Variants in ADAM12 observed in about 807,000 individuals in gnomAD.
ADAM12 encodes the protein disintegrin and metalloproteinase domain-containing protein 12.
ADAM12 carries 70 observed loss-of-function variants against 106.4 expected under a neutral mutation model. The observed-to-expected ratio is 0.66, with a 90% CI of 0.54 to 0.80. ADAM12 has a LOEUF of 0.80. Among genes scored for constraint, ADAM12 ranks in the 30% least tolerant of loss-of-function variants. ADAM12 has a pLI of 0.00. For synonymous variants in ADAM12, 420 were observed against 433.5 expected (o/e 0.97, Z 0.39); for missense variants, 1,010 against 1,171.9 (o/e 0.86, Z 2.02).
At chr10:126,295,916 CACACACACACACATAA>C (rs1290564683) in intron 2 of ADAM12, among the ~76,000 whole-genome samples, 47 of 151,348 alleles carry the variant, frequency 3.1e-4, no homozygotes, top group Non-Finnish European at 5.9e-4. Flanking sequence ...CACAAACACA[CACACACACACACATAA>C]ACACACACAC....
chr10:126,056,067 A>G (rs1245922327), intron 14 of ADAM12, among the ~76,000 whole-genome samples: 1 of 152,196 alleles, frequency 6.6e-6, no homozygotes, highest in Non-Finnish European at 1.5e-5. Context: ...TTGGCCAGTA[A>G]AACTGACTCC....
intron 3 of ADAM12, among the ~76,000 whole-genome samples, chr10:126,170,418 T>G (rs1247918927): frequency 1.3e-5 from 2 of 151,076 alleles, no homozygotes; most frequent in African/African-American, 2.4e-5. Flanking sequence ...AATGGATGTG[T>G]TTTTCCTTTA....
chr10:126,302,787 G>A (rs146978982), intron 2 of ADAM12, among the ~76,000 whole-genome samples: 295 of 152,256 alleles, frequency 1.9e-3, no homozygotes, highest in African/African-American at 7.0e-3. Flanking sequence ...TAGGCTACAC[G>A]TACCATTACC....
At chr10:126,330,098 C>G (rs1472668617) in intron 2 of ADAM12, among the ~76,000 whole-genome samples, 5 of 152,058 alleles carry the variant, frequency 3.3e-5, no homozygotes, top group African/African-American at 1.2e-4. Flanking sequence ...ATTAAATAGA[C>G]ATAAATATAG....
intron 2 of ADAM12, among the ~76,000 whole-genome samples, chr10:126,308,683 A>G (rs1960951396): frequency 6.6e-6 from 1 of 152,218 alleles, no homozygotes; most frequent in Admixed American, 6.5e-5. Context: ...CCCTCAAACT[A>G]TATCTTAGAA....
At chr10:126,309,840 A>T (rs1208275884) in intron 2 of ADAM12, among the ~76,000 whole-genome samples, 3 of 152,246 alleles carry the variant, frequency 2.0e-5, no homozygotes, top group African/African-American at 7.2e-5. Flanking sequence ...GCAGGTAAAG[A>T]TTTTGTGTCA....
At chr10:126,027,746 G>A (rs1158269100) in intron 21 of ADAM12, among the ~76,000 whole-genome samples, 1 of 152,122 alleles carries the variant, frequency 6.6e-6, no homozygotes, top group Non-Finnish European at 1.5e-5. Context: ...CAAACCCACA[G>A]CTAATATCCT....
intron 3 of ADAM12, among the ~76,000 whole-genome samples, chr10:126,253,742 T>C (rs1958832909): frequency 6.6e-6 from 1 of 152,158 alleles, no homozygotes; most frequent in South Asian, 2.1e-4. Flanking sequence ...CCACTCTTCC[T>C]CCCAGAGGGC....
At chr10:126,132,536 T>TAA (rs1956326574) in intron 5 of ADAM12, among the ~76,000 whole-genome samples, 2 of 91,088 alleles carry the variant, frequency 2.2e-5, no homozygotes, top group Non-Finnish European at 4.2e-5. Flanking sequence ...CCCCCCCCCC[T>TAA]CAACTAGTCC....
At chr10:126,116,760 T>TA (rs747673114) in intron 6 of ADAM12, among the ~76,000 whole-genome samples, 2 of 152,158 alleles carry the variant, frequency 1.3e-5, no homozygotes, top group Non-Finnish European at 2.9e-5. Context: ...AATGTAAAAT[T>TA]AGAGTTAAAA....
chr10:126,021,062 C>T (rs1953758067), intron 21 of ADAM12, among the ~76,000 whole-genome samples: 1 of 151,592 alleles, frequency 6.6e-6, no homozygotes, highest in South Asian at 2.1e-4. Context: ...CTGTGGATAC[C>T]CATGAGAGAG....
chr10:126,345,936 G>A (rs537008293), intron 1 of ADAM12, among the ~76,000 whole-genome samples: 16 of 152,170 alleles, frequency 1.1e-4, no homozygotes, highest in African/African-American at 3.9e-4. Context: ...CTTGCTAGAG[G>A]TCTATCAATT....
intron 18 of ADAM12, among the ~76,000 whole-genome samples, chr10:126,039,996 A>G (rs1954131707): frequency 6.6e-6 from 1 of 152,210 alleles, no homozygotes; most frequent in South Asian, 2.1e-4. Flanking sequence ...TTGCTTTGTT[A>G]TGTTGGGGAC....
chr10:126,386,528 C>T (rs895394554), intron 1 of ADAM12, among the ~76,000 whole-genome samples: 3 of 152,134 alleles, frequency 2.0e-5, no homozygotes, highest in African/African-American at 7.2e-5. Context: ...TTAGGCCTCC[C>T]TGGTTTTCTA....
In ADAM12 at chr10:126,240,829, T is replaced by C. The variant is rs151170704; in HGVS notation, c.260+38086A>G. 1.3e-3 allele frequency among the ~76,000 whole-genome samples: 194 copies of C among 152,344 alleles called. 1 individual carries two copies. The highest frequency in any genetic ancestry group is 4.3e-3 in the African/African-American group (177 of 41,584). On this transcript the variant is annotated intron_variant, in intron 3 of 22. Transcript: ENST00000448723. ...ACAGTCAGGAGACGCCGGGTCCTTC[T>C]GAGAACAACACAGAGCCCCCCGGGA...
chr10:126,113,710 ATATATATATATATATATAT>A (rs1565067713), intron 6 of ADAM12, among the ~76,000 whole-genome samples: 2 of 93,440 alleles, frequency 2.1e-5, no homozygotes, highest in African/African-American at 1.0e-4. Context: ...ATATATATAT[ATATATATATATATATATAT>A]ATAATATATT....
At chr10:126,363,683 G>A (rs977211978) in intron 1 of ADAM12, among the ~76,000 whole-genome samples, 4 of 152,162 alleles carry the variant, frequency 2.6e-5, no homozygotes, top group Non-Finnish European at 2.9e-5. Flanking sequence ...AGCCTGCTAC[G>A]GAGATGGGAG....
chr10:126,098,507 A>G lies in ADAM12; in HGVS notation c.912-7T>C. On this transcript the variant is annotated splice_polypyrimidine_tract_variant and splice_region_variant and intron_variant, in intron 9 of 22. Transcript: ENST00000448723. Reference sequence around the variant, plus strand: ...CCCTTGGAAATAAACCCCACTAGGAAATAAAAGAGAGGACTTTCTTTAATC... The same window carrying G: ...CCCTTGGAAATAAACCCCACTAGGAGATAAAAGAGAGGACTTTCTTTAATC... The G allele has an allele frequency of 6.2e-7, 1 of 1,610,644 alleles. No individual in the cohort carries two copies. Among genetic ancestry groups the G allele is most frequent in the Non-Finnish European group, 8.5e-7 (1 of 1,176,838 alleles).
At position 126,064,934 on chromosome 10, in the gene ADAM12, C is replaced by T. The variant is rs1350209695; in HGVS notation, c.1481G>A (p.Gly494Glu). The T allele has an allele frequency of 6.2e-7, 1 of 1,613,274 alleles. No individual in the cohort carries two copies. The highest frequency in any genetic ancestry group is 8.5e-7 in the Non-Finnish European group (1 of 1,179,750). ...NSCDLPEFCTGASPHCPANVY... is the reference protein window; with the variant it reads ...NSCDLPEFCTEASPHCPANVY... ...GTTGGCTGGGCAGTGAGGGCTGGCC[C>T]CTGTGCAGAACTCTGGGAGGTCACA... Residue 494 changes from glycine (G) to glutamate (E), a missense_variant, in exon 14 of 23, where the codon GGG (glycine) becomes GAG (glutamate). Coordinates refer to ENST00000448723, the MANE Select transcript of ADAM12 (RefSeq NM_001288973.2). This position sits in a 1 kb window ranked among gnomAD's most constrained non-coding sequence, Gnocchi z 4.4.
Sources: allele counts gnomAD v4.1 joint callset (sites outside exome capture counted in the v4.1 genomes callset), GRCh38; gene constraint gnomAD v4.1.1; non-coding constraint Gnocchi (gnomAD v3.1); transcripts MANE v1.5; gene names NCBI Gene and HGNC (gene_info 2026-07-23, HGNC 2026-07-21).